The following ZFYVE9 variants were observed in gnomAD, a reference collection of about 807,000 sequenced individuals.
ZFYVE9 encodes zinc finger FYVE-type containing 9.
Under a neutral mutation model 126.7 loss-of-function variants are expected in ZFYVE9, and 43 were observed. The observed-to-expected ratio is 0.34, with a 90% CI of 0.27 to 0.44. The LOEUF (loss-of-function observed/expected upper bound fraction) is 0.44, where lower values mean the gene tolerates loss of function less well. Among genes scored for constraint, ZFYVE9 ranks in the 20% least tolerant of loss-of-function variants. The probability of loss-of-function intolerance (pLI) is 1.00; values close to 1 mark genes in which losing one functional copy is unlikely to be tolerated. For missense variants in ZFYVE9, 1,476 were observed against 1,697.0 expected, an observed-to-expected ratio of 0.87 and a Z score of 2.29; for synonymous variants, 521 against 597.4, an observed-to-expected ratio of 0.87 and a Z score of 1.87.
chr1:52,322,763 C>G (rs1646253479), intron 13 of ZFYVE9, among the ~76,000 whole-genome samples: 1 of 151,906 alleles, frequency 6.6e-6, no homozygotes, highest in Non-Finnish European at 1.5e-5. Context: ...TGACACAAGT[C>G]CTCTACACCA....
chr1:52,317,656 C>T (rs1244897095), intron 13 of ZFYVE9, among the ~76,000 whole-genome samples: 1 of 151,848 alleles, frequency 6.6e-6, no homozygotes, highest in Non-Finnish European at 1.5e-5. Context: ...AAACCAAAAG[C>T]CAGTTCTTTG....
chr1:52,297,327 T>A (rs568888716), intron 12 of ZFYVE9, among the ~76,000 whole-genome samples: 26 of 150,254 alleles, frequency 1.7e-4, no homozygotes, highest in African/African-American at 5.9e-4. Context: ...AACCTCTGCC[T>A]CCCAGGTTCA....
At chr1:52,253,775 C>A (rs2124651443) in intron 4 of ZFYVE9, 1 of 1,607,368 alleles carries the variant, frequency 6.2e-7, no homozygotes, top group Non-Finnish European at 8.5e-7. Flanking sequence ...AATCTAGAAA[C>A]TTATTGGCAA....
At chr1:52,179,702 G>T in intron 1 of ZFYVE9, 1 of 332,208 alleles carries the variant, frequency 3.0e-6, no homozygotes, top group South Asian at 4.0e-5. Context: ...AAGAAAAGAA[G>T]AGGAAAATCA....
chr1:52,231,216 A>T (rs892382802), intron 2 of ZFYVE9, among the ~76,000 whole-genome samples: 13 of 152,156 alleles, frequency 8.5e-5, no homozygotes, highest in African/African-American at 2.9e-4. Context: ...ATAGATATTT[A>T]AAAAAATTCA....
At chr1:52,327,093 G>A (rs1383461273) in intron 13 of ZFYVE9, among the ~76,000 whole-genome samples, 4 of 151,822 alleles carry the variant, frequency 2.6e-5, no homozygotes, top group African/African-American at 9.7e-5. Context: ...CCCAGGAGGC[G>A]AAGTTTGCAG....
At chr1:52,260,392 ATAAAT>A (rs1418227108) in intron 4 of ZFYVE9, among the ~76,000 whole-genome samples, 1 of 152,090 alleles carries the variant, frequency 6.6e-6, no homozygotes, top group East Asian at 1.9e-4. Flanking sequence ...TGTTTTTATC[ATAAAT>A]TAATTTTTTT....
At chr1:52,342,871 C>T (rs1025789101) in intron 17 of ZFYVE9, among the ~76,000 whole-genome samples, 4 of 151,586 alleles carry the variant, frequency 2.6e-5, no homozygotes, top group African/African-American at 9.7e-5. Flanking sequence ...TTACAATAAC[C>T]AGAGAAGTCA....
chr1:52,282,403 A>G (rs1218308209), intron 10 of ZFYVE9, among the ~76,000 whole-genome samples: 1 of 152,216 alleles, frequency 6.6e-6, no homozygotes, highest in East Asian at 1.9e-4. Flanking sequence ...TTACAAAGTC[A>G]GCCTCCCTTT....
chr1:52,293,316 T>G, intron 10 of ZFYVE9, 137 bp from the exon 11 acceptor site: 1 of 683,730 alleles, frequency 1.5e-6, no homozygotes, highest in Non-Finnish European at 2.3e-6. Context: ...GAGGCGGAGC[T>G]TGCAGTGAGC....
chr1:52,271,802 C>A (rs983035950), intron 7 of ZFYVE9, among the ~76,000 whole-genome samples: 1 of 152,104 alleles, frequency 6.6e-6, no homozygotes, highest in Non-Finnish European at 1.5e-5. Flanking sequence ...TAAGTAGAGA[C>A]AGAAGTATGG....
At chr1:52,243,848 A>G (rs1645358702) in intron 4 of ZFYVE9, among the ~76,000 whole-genome samples, 2 of 152,090 alleles carry the variant, frequency 1.3e-5, no homozygotes, top group African/African-American at 2.4e-5. Flanking sequence ...GTGGGAAGCC[A>G]TGGGAGTGGA....
chr1:52,344,383 A>G (rs983752379), intron 17 of ZFYVE9, among the ~76,000 whole-genome samples: 1 of 152,268 alleles, frequency 6.6e-6, no homozygotes, highest in African/African-American at 2.4e-5. Context: ...CACGTCAGCT[A>G]TAAGAGCCAT....
intron 1 of ZFYVE9, among the ~76,000 whole-genome samples, chr1:52,159,836 C>T (rs1191762059): frequency 6.6e-6 from 1 of 151,740 alleles, no homozygotes; most frequent in African/African-American, 2.4e-5. Context: ...CGCTCTGTCA[C>T]CCAGGCTGGA....
chr1:52,301,278 T>C lies in ZFYVE9; in HGVS notation c.3334-2543T>C, dbSNP rs185644225. 1.2e-4 allele frequency among the ~76,000 whole-genome samples: 18 copies of C among 151,110 alleles called. No homozygotes were observed. In the East Asian group the frequency reaches 3.3e-3, roughly 28 times the overall value. On this transcript the variant is annotated intron_variant, in intron 12 of 18. Transcript: ENST00000287727. ...AATTTTTTCTTTTCTTAACGTTGTT[T>C]TTCTTTTTCCATCTTTTTTTTTTTT...
chr1:52,151,062 A>T (rs1375362321), intron 1 of ZFYVE9, among the ~76,000 whole-genome samples: 1 of 151,588 alleles, frequency 6.6e-6, no homozygotes, highest in Non-Finnish European at 1.5e-5. Context: ...CACTCATGGA[A>T]ATTTCTGCTC....
chr1:52,244,494 G>T (rs557997133), intron 4 of ZFYVE9, among the ~76,000 whole-genome samples: 3 of 152,246 alleles, frequency 2.0e-5, no homozygotes, highest in African/African-American at 7.2e-5. Flanking sequence ...CACCTGATTG[G>T]CTTATACTTC....
At chr1:52,222,548 G>A in intron 2 of ZFYVE9, among the ~76,000 whole-genome samples, 1 of 152,214 alleles carries the variant, frequency 6.6e-6, no homozygotes, top group Middle Eastern at 3.2e-3. Flanking sequence ...TGACCTGTCT[G>A]GCTTCCTTAC....
intron 1 of ZFYVE9, chr1:52,162,795 T>G (rs913167043): frequency 5.9e-6 from 2 of 340,308 alleles, no homozygotes; most frequent in Admixed American, 3.4e-5. Flanking sequence ...GTGAGAGTGG[T>G]ATCTGGATCA....
Sources: allele counts gnomAD v4.1 joint callset (sites outside exome capture counted in the v4.1 genomes callset), GRCh38; gene constraint gnomAD v4.1.1; transcripts MANE v1.5; gene names NCBI Gene and HGNC (gene_info 2026-07-23, HGNC 2026-07-21).